The following CPSF7 variants were observed in gnomAD, a reference collection of about 807,000 sequenced individuals.
CPSF7 encodes the protein cleavage and polyadenylation specific factor 7, also known as cleavage and polyadenylation specificity factor subunit 7.
A neutral mutation model predicts 44.3 loss-of-function variants in CPSF7; 1 was observed. The observed-to-expected ratio is 0.02, with a 90% CI of 0.01 to 0.11. The LOEUF is 0.11. Ranked by LOEUF, CPSF7 falls within the 10% of genes least tolerant of loss-of-function variation. The probability of loss-of-function intolerance (pLI) is 1.00; values close to 1 mark genes in which losing one functional copy is unlikely to be tolerated. For synonymous variants in CPSF7, 202 were observed against 222.0 expected (o/e 0.91, Z 0.80); for missense variants, 443 against 607.2 (o/e 0.73, Z 2.84).
At chr11:61,405,023 G>GAA (rs1859179850) in intron 9 of CPSF7, among the ~76,000 whole-genome samples, 1 of 152,198 alleles carries the variant, frequency 6.6e-6, no homozygotes, top group Admixed American at 6.5e-5. Context: ...CAAAAGTATG[G>GAA]AAACTGTGAC....
intron 9 of CPSF7, among the ~76,000 whole-genome samples, chr11:61,406,426 A>C (rs1284425007): frequency 2.6e-5 from 4 of 152,232 alleles, no homozygotes; most frequent in Admixed American, 2.6e-4. Context: ...CCCAACATGA[A>C]ACTTCCTAAG....
intron 2 of CPSF7, chr11:61,426,595 A>T (rs1021772160): frequency 6.6e-6 from 1 of 152,370 alleles, no homozygotes; most frequent in East Asian, 1.9e-4. Flanking sequence ...ACCAGAGAAC[A>T]AACTATTGAG....
chr11:61,424,788 C>T (rs1439777888), intron 2 of CPSF7, among the ~76,000 whole-genome samples: 1 of 152,122 alleles, frequency 6.6e-6, no homozygotes, highest in African/African-American at 2.4e-5. Flanking sequence ...TCAAATGACA[C>T]GTAAACAGAA....
At chr11:61,415,098 C>T (rs891490316) in intron 7 of CPSF7, among the ~76,000 whole-genome samples, 24 of 152,116 alleles carry the variant, frequency 1.6e-4, no homozygotes, top group Non-Finnish European at 1.0e-4. Context: ...ATTAGCCGGG[C>T]GTGGTGGCAA....
At chr11:61,420,619 C>CCCCG in intron 3 of CPSF7, 46 bp from the exon 4 acceptor site, 2 of 1,454,962 alleles carry the variant, frequency 1.4e-6, no homozygotes, top group South Asian at 2.3e-5. Context: ...AGAGCTACAC[C>CCCCG]CCCGCCCGCC....
chr11:61,408,007 C>T (rs930389566), intron 9 of CPSF7, among the ~76,000 whole-genome samples: 3 of 151,828 alleles, frequency 2.0e-5, no homozygotes, highest in African/African-American at 7.3e-5. Flanking sequence ...CCTCACCTTC[C>T]TTTTCAATTA....
At chr11:61,425,434 T>C (rs1861260120) in intron 2 of CPSF7, among the ~76,000 whole-genome samples, 1 of 152,248 alleles carries the variant, frequency 6.6e-6, no homozygotes, top group Non-Finnish European at 1.5e-5. Context: ...ATGAAACATA[T>C]ATTTAATACT....
At chr11:61,407,148 C>T (rs1027549783) in intron 9 of CPSF7, among the ~76,000 whole-genome samples, 1 of 152,160 alleles carries the variant, frequency 6.6e-6, no homozygotes, top group Non-Finnish European at 1.5e-5. Flanking sequence ...CAAACTACTG[C>T]TGGATCAGTG....
At chr11:61,412,448 C>T (rs1256773036) in intron 7 of CPSF7, among the ~76,000 whole-genome samples, 1 of 152,092 alleles carries the variant, frequency 6.6e-6, no homozygotes, top group Non-Finnish European at 1.5e-5. Context: ...TGCCACCACA[C>T]CCAGCTAATG....
chr11:61,411,751 A>G lies in CPSF7; in HGVS notation c.1226+18T>C, dbSNP rs758906765. 8.1e-6 allele frequency: 13 copies of G among 1,603,210 alleles called. No individual in the cohort carries two copies. Among genetic ancestry groups the G allele is most frequent in the African/African-American group, 1.3e-5 (1 of 74,738 alleles). ...TGCTGCTTGGGGCTGGTAGGTGAGG[A>G]CACAATCACCAACTCACCTGGAAGA... On this transcript the variant is annotated intron_variant, in intron 8 of 9. Coordinates refer to ENST00000439958, the MANE Select transcript of CPSF7 (RefSeq NM_001142565.3).
intron 2 of CPSF7, among the ~76,000 whole-genome samples, chr11:61,425,816 T>C (rs550702621): frequency 1.3e-5 from 2 of 152,032 alleles, no homozygotes; most frequent in South Asian, 4.2e-4. Flanking sequence ...CCACCAGGAG[T>C]GGAATCTGTT....
At chr11:61,421,007 C>T (rs1177695145) in intron 3 of CPSF7, 1 of 1,096,488 alleles carries the variant, frequency 9.1e-7, no homozygotes, top group Admixed American at 2.3e-5. Context: ...TCACCACCTA[C>T]CCCAAGTATA....
chr11:61,406,477 G>A (rs1460733475), intron 9 of CPSF7, among the ~76,000 whole-genome samples: 1 of 152,154 alleles, frequency 6.6e-6, no homozygotes, highest in Non-Finnish European at 1.5e-5. Flanking sequence ...GAGTCCTTAG[G>A]GTGAGAATGT....
Position 61,429,259 on chromosome 11 carries a change from T to A in CPSF7, c.-24A>T, listed in dbSNP as rs1434757107. 1 of 1,613,284 alleles carries A rather than the reference T, an allele frequency of 6.2e-7. No homozygotes were observed. The highest frequency in any genetic ancestry group is 8.5e-7 in the Non-Finnish European group (1 of 1,179,446). Reference sequence around the variant, plus strand: ...ATGGCTCCGGAAGGAAGATCGCGAGTCCGGAGGATGGACAAAGTAAGGAAG... The same window carrying A: ...ATGGCTCCGGAAGGAAGATCGCGAGACCGGAGGATGGACAAAGTAAGGAAG... On this transcript the variant is annotated 5_prime_UTR_variant, in exon 2 of 10. Coordinates refer to ENST00000439958, the MANE Select transcript of CPSF7 (RefSeq NM_001142565.3).
intron 4 of CPSF7, 146 bp downstream of exon 4, chr11:61,420,324 G>C: frequency 1.3e-6 from 1 of 744,310 alleles, no homozygotes; most frequent in South Asian, 1.8e-5. Context: ...ACTGCAGCTA[G>C]GTCCCTTTCT....
At chr11:61,427,864 A>C (rs1861537667) in intron 2 of CPSF7, among the ~76,000 whole-genome samples, 1 of 152,192 alleles carries the variant, frequency 6.6e-6, no homozygotes, top group African/African-American at 2.4e-5. Flanking sequence ...TACATCAAAA[A>C]ATAGATTTTC....
At chr11:61,423,271 C>A (rs1861063683) in intron 2 of CPSF7, among the ~76,000 whole-genome samples, 1 of 143,550 alleles carries the variant, frequency 7.0e-6, no homozygotes, top group Non-Finnish European at 1.5e-5. Context: ...CTCTTGGGTT[C>A]AAGTGATTCT....
rs763151665 is a variant in CPSF7 at position 61,420,478 on chromosome 11, C to T, written c.369G>A (p.Gln123=). The change falls in exon 4 of 10, where the codon CAG becomes CAA. Residue 123 remains glutamine (Q), a synonymous_variant. Transcript: ENST00000439958. ...TCAAATCCAGACCTCACCCTTTGGA[C>T]TGGCCATTTGCTCGATTCTCTGCAA... ...LKFAENRANG[Q]SKGYAEVVVA... 1.8e-5 allele frequency: 29 copies of T among 1,612,582 alleles called. No homozygotes were observed. In the South Asian group the frequency reaches 2.6e-4, roughly 15 times the overall value.
At chr11:61,416,574 G>A in intron 5 of CPSF7, 55 bp from the exon 6 acceptor site, 2 of 1,557,164 alleles carry the variant, frequency 1.3e-6, no homozygotes, top group Non-Finnish European at 1.8e-6. Context: ...AAACCCACAG[G>A]ACCAGTTCAT....
Sources: allele counts gnomAD v4.1 joint callset (sites outside exome capture counted in the v4.1 genomes callset), GRCh38; gene constraint gnomAD v4.1.1; transcripts MANE v1.5; gene names NCBI Gene and HGNC (gene_info 2026-07-23, HGNC 2026-07-21).